Variants in WDR70 observed in about 807,000 individuals in gnomAD.
WDR70 encodes WD repeat domain 70, also known as WD repeat-containing protein 70.
WDR70 carries 53 observed loss-of-function variants against 88.6 expected under a neutral mutation model. The observed-to-expected ratio is 0.60, with a 90% confidence interval of 0.48 to 0.75. WDR70 has a LOEUF of 0.75. WDR70 is among the 30% of genes least tolerant of loss of function. The pLI is 0.00. For missense variants in WDR70, 610 were observed against 823.2 expected (o/e 0.74, Z 3.17); for synonymous variants, 280 against 270.0 (o/e 1.04, Z -0.36).
At chr5:37,589,584 A>G (rs889582973) in intron 9 of WDR70, among the ~76,000 whole-genome samples, 2 of 151,608 alleles carry the variant, frequency 1.3e-5, no homozygotes, top group Admixed American at 1.3e-4. Context: ...ATTTATTTTT[A>G]TTTTTTATTT....
chr5:37,454,203 C>G (rs1190818536), intron 7 of WDR70, among the ~76,000 whole-genome samples: 5 of 152,038 alleles, frequency 3.3e-5, no homozygotes, highest in African/African-American at 1.2e-4. Flanking sequence ...GATCTGAAAT[C>G]CTTGGCTTAA....
chr5:37,712,619 A>C (rs964671841), intron 13 of WDR70, among the ~76,000 whole-genome samples: 13 of 152,210 alleles, frequency 8.5e-5, no homozygotes, highest in Non-Finnish European at 1.9e-4. Flanking sequence ...CTTCATTAGA[A>C]TAGGGGACAA....
chr5:37,488,768 G>A (rs553969989), intron 8 of WDR70, among the ~76,000 whole-genome samples: 11 of 152,012 alleles, frequency 7.2e-5, no homozygotes, highest in South Asian at 6.2e-4. Flanking sequence ...CTACGATTTC[G>A]AATTTTTTTC....
intron 13 of WDR70, among the ~76,000 whole-genome samples, chr5:37,709,349 C>CT (rs1304289355): frequency 3.9e-5 from 6 of 152,210 alleles, no homozygotes; most frequent in South Asian, 2.1e-4. Context: ...CTGTAATTCA[C>CT]TTTTTTTAGG....
At chr5:37,644,761 T>C (rs1376451222) in intron 10 of WDR70, among the ~76,000 whole-genome samples, 1 of 151,922 alleles carries the variant, frequency 6.6e-6, no homozygotes, top group African/African-American at 2.4e-5. Context: ...ATTTATTATA[T>C]AATTGCTCAT....
chr5:37,442,977 A>G (rs11739318), intron 6 of WDR70, among the ~76,000 whole-genome samples: 130,105 of 152,232 alleles, frequency 0.85, 59,236 homozygotes, highest in East Asian at 1. Flanking sequence ...GCTATTCTGA[A>G]TACATGGTTG....
At chr5:37,537,571 C>T (rs1293443279) in intron 9 of WDR70, among the ~76,000 whole-genome samples, 1 of 151,928 alleles carries the variant, frequency 6.6e-6, no homozygotes, top group East Asian at 1.9e-4. Flanking sequence ...CAATTAGCAC[C>T]CAGAATCATG....
At chr5:37,428,422 T>C (rs955864517) in intron 5 of WDR70, among the ~76,000 whole-genome samples, 2 of 152,218 alleles carry the variant, frequency 1.3e-5, no homozygotes, top group African/African-American at 4.8e-5. Flanking sequence ...TTGCTGTCAA[T>C]CCATTTTTCC....
chr5:37,557,911 G>C, intron 9 of WDR70, among the ~76,000 whole-genome samples: 1 of 131,428 alleles, frequency 7.6e-6, no homozygotes, highest in Non-Finnish European at 1.7e-5. Flanking sequence ...ATACTCTTTT[G>C]AAAACTCTTC....
chr5:37,688,769 G>T (rs763627699), intron 10 of WDR70, among the ~76,000 whole-genome samples: 10 of 136,204 alleles, frequency 7.3e-5, no homozygotes, highest in African/African-American at 2.5e-4. Flanking sequence ...TGTGATCGAC[G>T]CAGAAGATAA....
At chr5:37,697,506 T>A in intron 10 of WDR70, 149 bp from the exon 11 acceptor site, 1 of 595,374 alleles carries the variant, frequency 1.7e-6, no homozygotes, top group South Asian at 3.0e-5. Context: ...TTCTTTTTTT[T>A]AGAAAGCAAA....
intron 6 of WDR70, among the ~76,000 whole-genome samples, chr5:37,441,386 A>G (rs1292419611): frequency 6.6e-6 from 1 of 152,146 alleles, no homozygotes; most frequent in East Asian, 1.9e-4. Flanking sequence ...TGATTCCCTT[A>G]TATTATGAAA....
At chr5:37,410,879 T>G (rs1161853777) in intron 5 of WDR70, among the ~76,000 whole-genome samples, 1 of 152,230 alleles carries the variant, frequency 6.6e-6, no homozygotes, top group Non-Finnish European at 1.5e-5. Flanking sequence ...AGAACCATTA[T>G]ACATGCCTTG....
intron 13 of WDR70, among the ~76,000 whole-genome samples, chr5:37,707,943 AAAAAAATATATATATATATATATATATAT>A (rs1410887313): frequency 7.2e-4 from 19 of 26,322 alleles, no homozygotes; most frequent in African/African-American, 2.4e-3. Flanking sequence ...AAAAAAAAAA[AAAAAAATATATATATATATATATATATAT>A]ATATATATAT....
intron 8 of WDR70, among the ~76,000 whole-genome samples, chr5:37,514,246 G>A (rs757865272): frequency 4.0e-5 from 6 of 148,238 alleles, no homozygotes; most frequent in Admixed American, 2.7e-4. Context: ...CTCAAACTGC[G>A]GACCTTAAGT....
At chr5:37,697,218 G>C (rs1459400346) in intron 10 of WDR70, among the ~76,000 whole-genome samples, 1 of 152,226 alleles carries the variant, frequency 6.6e-6, no homozygotes, top group African/African-American at 2.4e-5. Context: ...ACCATGTGCA[G>C]AGTGTATGGC....
chr5:37,442,299 A>G (rs1750680463), intron 6 of WDR70, among the ~76,000 whole-genome samples: 1 of 151,372 alleles, frequency 6.6e-6, no homozygotes, highest in Non-Finnish European at 1.5e-5. Context: ...AGCCTCCCAA[A>G]GCGCTGGGAT....
intron 14 of WDR70, 27 bp downstream of exon 14, chr5:37,721,242 G>C: frequency 3.1e-6 from 5 of 1,599,380 alleles, no homozygotes; most frequent in Non-Finnish European, 4.3e-6. Context: ...GCCTGTTTTA[G>C]ATGGATGACA....
At chr5:37,745,278 A>G (rs549751285) in intron 17 of WDR70, among the ~76,000 whole-genome samples, 1 of 151,932 alleles carries the variant, frequency 6.6e-6, no homozygotes, top group South Asian at 2.1e-4. Flanking sequence ...TGAAAGAAGC[A>G]CTAAATATGG....
Sources: gnomAD v4.1 joint callset for allele counts (sites outside exome capture counted in the v4.1 genomes callset) on GRCh38, gnomAD v4.1.1 for gene constraint, MANE v1.5 for transcripts, NCBI Gene and HGNC (gene_info 2026-07-23, HGNC 2026-07-21) for gene names.